FHL2: variants seen among roughly 807,000 people sequenced by gnomAD.
The protein encoded by FHL2 is four and a half LIM domains protein 2.
In FHL2, 20 loss-of-function variants were observed where a neutral mutation model predicts 32.7. The ratio of observed to expected loss-of-function variants is 0.61; its 90% confidence interval spans 0.43 to 0.89. The LOEUF is 0.89. FHL2 is among the 40% of genes least tolerant of loss of function. The pLI is 0.00. For synonymous variants in FHL2, 123 were observed against 128.1 expected, an observed-to-expected ratio of 0.96 and a Z score of 0.27; for missense variants, 311 against 358.6, an observed-to-expected ratio of 0.87 and a Z score of 1.07.
chr2:105,361,436 T>C lies in FHL2; in HGVS notation c.689-2A>G, dbSNP rs1231396526. Reference sequence around the variant, plus strand: ...AGATGTATTTTGTGCCACCAAGTCCTGTTAACAGAGAGAAAATAATACCGG... The same window carrying C: ...AGATGTATTTTGTGCCACCAAGTCCCGTTAACAGAGAGAAAATAATACCGG... On this transcript the variant is annotated splice_acceptor_variant, in intron 6 of 6. Transcript: ENST00000530340. LOFTEE classifies it high-confidence loss of function. 1.1e-5 allele frequency: 18 copies of C among 1,610,988 alleles called. No individual in the cohort carries two copies. The highest frequency in any genetic ancestry group is 1.4e-5 in the Non-Finnish European group (17 of 1,178,416).
chr2:105,358,859 C>G (rs1048216255), downstream of FHL2: 1 of 152,282 alleles, frequency 6.6e-6, no homozygotes, highest in African/African-American at 2.4e-5. Context: ...TAAGTTCATG[C>G]GACGAACTTG....
At chr2:105,421,562 ATCTC>A (rs1222148425) in intron 1 of FHL2, among the ~76,000 whole-genome samples, 1 of 151,308 alleles carries the variant, frequency 6.6e-6, no homozygotes, top group East Asian at 1.9e-4. Context: ...GTTGTGACAG[ATCTC>A]TGGCAACAAA....
At chr2:105,367,539 C>A (rs770324100) in intron 5 of FHL2, 31 bp downstream of exon 5, 2 of 1,572,558 alleles carry the variant, frequency 1.3e-6, no homozygotes, top group Non-Finnish European at 1.7e-6. Flanking sequence ...CCAGCCAGAA[C>A]GTGCAAGGGC....
intron 1 of FHL2, among the ~76,000 whole-genome samples, chr2:105,434,391 G>A (rs7572696): frequency 0.45 from 67,978 of 152,016 alleles, 15,636 homozygotes; most frequent in Non-Finnish European, 0.51. Context: ...GGCCAACATG[G>A]TGAAACACTG....
At chr2:105,403,922 G>T (rs888761097), upstream of FHL2, among the ~76,000 whole-genome samples, 1 of 152,214 alleles carries the variant, frequency 6.6e-6, no homozygotes, top group Admixed American at 6.5e-5. Flanking sequence ...TACAAATGCT[G>T]AAATTTCATT....
intron 1 of FHL2, among the ~76,000 whole-genome samples, chr2:105,425,291 A>G (rs1373980497): frequency 6.6e-6 from 1 of 152,184 alleles, no homozygotes; most frequent in African/African-American, 2.4e-5. Context: ...TACAAGCAGT[A>G]TACTTGGTAA....
At chr2:105,427,575 C>T (rs1031633015) in intron 1 of FHL2, among the ~76,000 whole-genome samples, 3 of 152,156 alleles carry the variant, frequency 2.0e-5, no homozygotes, top group Non-Finnish European at 2.9e-5. Context: ...ATAGGATAAA[C>T]GTGTCCCTGA....
At chr2:105,374,609 GC>G (rs769821017) in intron 3 of FHL2, 1 of 152,128 alleles carries the variant, frequency 6.6e-6, no homozygotes, top group South Asian at 2.1e-4. Context: ...ACAGACGTGT[GC>G]TTTTGAGTAA....
At chr2:105,426,154 C>A (rs1684261680) in intron 1 of FHL2, among the ~76,000 whole-genome samples, 1 of 152,092 alleles carries the variant, frequency 6.6e-6, no homozygotes, top group African/African-American at 2.4e-5. Context: ...TGCATGCAAG[C>A]TTTTACCCGG....
At position 105,396,665 on chromosome 2, in the gene FHL2, GC is replaced by G; in HGVS notation, c.-44del. On this transcript the variant is annotated 5_prime_UTR_variant, in exon 2 of 7. Transcript: ENST00000530340. ...GACTCACCCCAAAGTCAAAATGCCA[GC>G]CTAGTCTCCAGGAAGACACAGTTCT... The G allele has an allele frequency of 6.2e-7, 1 of 1,612,798 alleles. No individual in the cohort carries two copies. The highest frequency in any genetic ancestry group is 1.3e-5 in the African/African-American group (1 of 75,044).
At chr2:105,422,126 C>T (rs1000845268) in intron 1 of FHL2, among the ~76,000 whole-genome samples, 2 of 152,244 alleles carry the variant, frequency 1.3e-5, no homozygotes, top group Admixed American at 6.5e-5. Flanking sequence ...ATCTTGGCCG[C>T]GTTGTGGACC....
upstream of FHL2, among the ~76,000 whole-genome samples, chr2:105,400,805 C>T (rs1181987577): frequency 6.6e-6 from 1 of 150,736 alleles, no homozygotes; most frequent in African/African-American, 2.4e-5. Flanking sequence ...AGCTGTGTCA[C>T]ATAGGTTCAG....
At chr2:105,379,683 G>A (rs139197336) in intron 3 of FHL2, among the ~76,000 whole-genome samples, 67 of 152,216 alleles carry the variant, frequency 4.4e-4, no homozygotes, top group African/African-American at 1.2e-3. Flanking sequence ...ACCCCAACTC[G>A]CTTTCCAACC....
rs189153307 is a variant in FHL2, at chr2:105,407,130, C to T, written c.-24-20590G>A. ...CTAAGCTGCTGGGCGTGGTGGCTCA[C>T]GCCTATAATCCCAGCACTTTGGGAG... On this transcript the variant is annotated intron_variant, in intron 1 of 5. Transcript: ENST00000393352. Among the ~76,000 whole-genome samples, 54 of 152,264 alleles carry T rather than the reference C, an allele frequency of 3.5e-4. 1 individual carries two copies. Among genetic ancestry groups the T allele is most frequent in the African/African-American group, 1.3e-3 (54 of 41,548 alleles).
chr2:105,396,806 C>T, intron 1 of FHL2, 109 bp from the exon 2 acceptor site: 8 of 921,812 alleles, frequency 8.7e-6, no homozygotes, highest in Non-Finnish European at 1.2e-5. Flanking sequence ...ATCAAATTCT[C>T]ATAATAAAAC....
At chr2:105,391,106 TAC>T (rs1682699701) in intron 2 of FHL2, among the ~76,000 whole-genome samples, 1 of 152,092 alleles carries the variant, frequency 6.6e-6, no homozygotes, top group Non-Finnish European at 1.5e-5. Context: ...GTGCTAGGAT[TAC>T]AGTCATGAGC....
intron 1 of FHL2, among the ~76,000 whole-genome samples, chr2:105,406,398 C>A (rs2104649233): frequency 6.6e-6 from 1 of 151,974 alleles, no homozygotes; most frequent in African/African-American, 2.4e-5. Flanking sequence ...GGTGAATCAC[C>A]ATCAGATATC....
At chr2:105,392,270 C>T (rs191163698) in intron 2 of FHL2, among the ~76,000 whole-genome samples, 1 of 152,268 alleles carries the variant, frequency 6.6e-6, no homozygotes, top group East Asian at 1.9e-4. Flanking sequence ...CCCTGTAGTT[C>T]AAGACCAGCC....
intron 3 of FHL2, chr2:105,374,145 A>C: frequency 7.6e-6 from 2 of 262,850 alleles, no homozygotes; most frequent in Non-Finnish European, 7.5e-6. Context: ...AACTCAGATC[A>C]CTGTGGTCAC....
Sources: gnomAD v4.1 joint callset for allele counts (sites outside exome capture counted in the v4.1 genomes callset) on GRCh38, gnomAD v4.1.1 for gene constraint, MANE v1.5 for transcripts, NCBI Gene and HGNC (gene_info 2026-07-23, HGNC 2026-07-21) for gene names.